The following TPTE2 variants were observed in gnomAD, a reference collection of about 807,000 sequenced individuals.
TPTE2 encodes phosphatidylinositol 3,4,5-trisphosphate 3-phosphatase TPTE2.
TPTE2 carries 53 observed loss-of-function variants against 78.6 expected under a neutral mutation model. The observed-to-expected ratio is 0.67, with a 90% CI of 0.54 to 0.85. TPTE2 has a LOEUF of 0.85. TPTE2 is among the 40% of genes least tolerant of loss of function. The probability of loss-of-function intolerance (pLI) is 0.00; values close to 1 mark genes in which losing one functional copy is unlikely to be tolerated. For missense variants in TPTE2, 461 were observed against 623.0 expected, an observed-to-expected ratio of 0.74 and a Z score of 2.77; for synonymous variants, 175 against 206.2, an observed-to-expected ratio of 0.85 and a Z score of 1.30.
At chr13:19,543,414 C>T in the TPTE2 span, among the ~76,000 whole-genome samples, 2 of 145,674 alleles carry the variant, frequency 1.4e-5, no homozygotes, top group Non-Finnish European at 3.0e-5. Context: ...GGCTAGAGTG[C>T]GATGGGCCAT....
chr13:19,441,733 T>C (rs973847676), intron 13 of TPTE2, among the ~76,000 whole-genome samples: 9 of 152,194 alleles, frequency 5.9e-5, no homozygotes, highest in Non-Finnish European at 1.0e-4. Flanking sequence ...GCATTTTCTT[T>C]AAAGCCTGGA....
At chr13:19,513,117 T>C (rs527787173) in intron 1 of TPTE2, among the ~76,000 whole-genome samples, 1 of 152,296 alleles carries the variant, frequency 6.6e-6, no homozygotes, top group East Asian at 1.9e-4. Context: ...AGAAATAACT[T>C]TCTGAGTATA....
At chr13:19,534,037 T>C (rs1349217082) in intron 1 of TPTE2, among the ~76,000 whole-genome samples, 1 of 152,248 alleles carries the variant, frequency 6.6e-6, no homozygotes, top group Non-Finnish European at 1.5e-5. Context: ...GCTTCTTGAC[T>C]TACAATGGGT....
intron 4 of TPTE2, among the ~76,000 whole-genome samples, chr13:19,480,716 A>C (rs1880291949): frequency 6.6e-6 from 1 of 152,224 alleles, no homozygotes; most frequent in Admixed American, 6.5e-5. Flanking sequence ...CTAATATCAG[A>C]GAAATCAATG....
intron 6 of TPTE2, among the ~76,000 whole-genome samples, chr13:19,467,577 T>C (rs1279488981): frequency 1.3e-5 from 2 of 152,186 alleles, no homozygotes; most frequent in Admixed American, 1.3e-4. Context: ...AACACCAACA[T>C]GGCAATTCAA....
At chr13:19,484,841 G>A (rs548231260) in intron 3 of TPTE2, among the ~76,000 whole-genome samples, 47 of 152,124 alleles carry the variant, frequency 3.1e-4, no homozygotes, top group African/African-American at 1.1e-3. Flanking sequence ...ATATCTTTTT[G>A]CATCCCTTCA....
intron 1 of TPTE2, among the ~76,000 whole-genome samples, chr13:19,527,082 G>T (rs1566077948): frequency 6.6e-6 from 1 of 151,844 alleles, no homozygotes; most frequent in Non-Finnish European, 1.5e-5. Flanking sequence ...AAAGCAGGTG[G>T]ATCACCTGAG....
chr13:19,456,189 T>C (rs57127706), intron 10 of TPTE2, among the ~76,000 whole-genome samples: 3,139 of 152,282 alleles, frequency 0.021, 88 homozygotes, highest in African/African-American at 0.069. Context: ...AAAGTCAACA[T>C]ACAAGGCCAG....
chr13:19,457,254 G>C (rs117851652), intron 10 of TPTE2, among the ~76,000 whole-genome samples: 2 of 152,170 alleles, frequency 1.3e-5, no homozygotes, highest in Non-Finnish European at 2.9e-5. Context: ...ATATACTTGA[G>C]TAGTGCAACC....
chr13:19,465,076 A>G (rs558492182), intron 9 of TPTE2, among the ~76,000 whole-genome samples, 179 bp downstream of exon 12: 4 of 152,354 alleles, frequency 2.6e-5, no homozygotes, highest in Non-Finnish European at 5.9e-5. Context: ...CTGAATTGAG[A>G]AGACATGCAG....
At chr13:19,454,877 C>T (rs1344093741) in intron 10 of TPTE2, among the ~76,000 whole-genome samples, 5 of 152,124 alleles carry the variant, frequency 3.3e-5, no homozygotes, top group African/African-American at 1.2e-4. Context: ...TTTAGACATG[C>T]TATAATTAAC....
intron 13 of TPTE2, among the ~76,000 whole-genome samples, chr13:19,449,585 A>G (rs1243430508): frequency 6.6e-6 from 1 of 152,236 alleles, no homozygotes; most frequent in African/African-American, 2.4e-5. Flanking sequence ...TTCTCACACA[A>G]AAATATGTGG....
chr13:19,510,945 T>C (rs934940393), intron 1 of TPTE2, among the ~76,000 whole-genome samples: 1 of 152,260 alleles, frequency 6.6e-6, no homozygotes, highest in Non-Finnish European at 1.5e-5. Flanking sequence ...ATTGATTATA[T>C]AAATTGGAAA....
At chr13:19,534,983 C>T (rs1011885883) in intron 1 of TPTE2, among the ~76,000 whole-genome samples, 4 of 152,076 alleles carry the variant, frequency 2.6e-5, no homozygotes, top group Non-Finnish European at 5.9e-5. Flanking sequence ...CGGGTGTTAT[C>T]ACTTGAGGTC....
chr13:19,493,330 T>C lies in TPTE2; in HGVS notation c.65+118A>G, dbSNP rs1312092927. 4.4e-6 allele frequency: 3 copies of C among 682,366 alleles called. No homozygotes were observed. In the African/African-American group the frequency reaches 8.1e-5, roughly 18 times the overall value. 42.3% of individuals were successfully genotyped at this position (682,366 alleles called of 1,614,324 possible). On this transcript the variant is annotated intron_variant, in intron 2 of 19. Transcript: ENST00000400230. ...TTGAAGAGAAGTGTGGATGGATGGATGGATGGATGGATGGATGGATGGATG... is the reference window on the plus strand; with the variant it reads ...TTGAAGAGAAGTGTGGATGGATGGACGGATGGATGGATGGATGGATGGATG...
At chr13:19,508,375 G>A (rs1869211089) in intron 1 of TPTE2, among the ~76,000 whole-genome samples, 1 of 152,054 alleles carries the variant, frequency 6.6e-6, no homozygotes, top group Non-Finnish European at 1.5e-5. Flanking sequence ...AAAACTACTG[G>A]AACACACTGA....
intron 1 of TPTE2, among the ~76,000 whole-genome samples, chr13:19,499,548 T>C (rs1303892916): frequency 6.9e-6 from 1 of 144,144 alleles, no homozygotes; most frequent in Non-Finnish European, 1.5e-5. Context: ...CCTGAATGAC[T>C]ACTGGGTATA....
chr13:19,516,689 C>T (rs1869813440), intron 1 of TPTE2, among the ~76,000 whole-genome samples: 2 of 152,144 alleles, frequency 1.3e-5, no homozygotes, highest in Non-Finnish European at 2.9e-5. Flanking sequence ...GAGTGGCTTC[C>T]TGAGCTGAAC....
At chr13:19,442,366 T>C (rs913978730) in intron 13 of TPTE2, among the ~76,000 whole-genome samples, 3 of 149,030 alleles carry the variant, frequency 2.0e-5, no homozygotes, top group Non-Finnish European at 4.4e-5. Context: ...AGTTGGAACA[T>C]AGTTTGAACT....
Sources: gnomAD v4.1 joint callset for allele counts (sites outside exome capture counted in the v4.1 genomes callset) on GRCh38, gnomAD v4.1.1 for gene constraint, MANE v1.5 for transcripts, NCBI Gene and HGNC (gene_info 2026-07-23, HGNC 2026-07-21) for gene names.